The following PLEKHA5 variants were observed in gnomAD, a reference collection of about 807,000 sequenced individuals.
The protein encoded by PLEKHA5 is pleckstrin homology domain containing A5.
In PLEKHA5, 55 loss-of-function variants were observed where a neutral mutation model predicts 181.9. The observed-to-expected ratio is 0.30, with a 90% CI of 0.24 to 0.38. The LOEUF is 0.38. Among genes scored for constraint, PLEKHA5 ranks in the 10% least tolerant of loss-of-function variants. The pLI is 1.00. For missense variants in PLEKHA5, 1,432 were observed against 1,549.5 expected (o/e 0.92, Z 1.27); for synonymous variants, 535 against 529.4 (o/e 1.01, Z -0.15).
intron 31 of PLEKHA5, among the ~76,000 whole-genome samples, chr12:19,374,488 G>A (rs760414768): frequency 5.3e-5 from 8 of 150,198 alleles, no homozygotes; most frequent in Admixed American, 1.3e-4. Flanking sequence ...TTGAAACTCC[G>A]TCTCTACTGA....
chr12:19,241,263 G>C (rs1461941421), intron 3 of PLEKHA5, among the ~76,000 whole-genome samples: 1 of 152,104 alleles, frequency 6.6e-6, no homozygotes, highest in African/African-American at 2.4e-5. Flanking sequence ...CCTTTTAAAG[G>C]GGTAGGGGTT....
intron 15 of PLEKHA5, among the ~76,000 whole-genome samples, chr12:19,304,234 G>C (rs906762133): frequency 1.3e-5 from 2 of 151,994 alleles, no homozygotes; most frequent in Non-Finnish European, 2.9e-5. Context: ...GTGAAACCCG[G>C]TCTCTACTAA....
chr12:19,351,451 G>A (rs1412504021), intron 25 of PLEKHA5, among the ~76,000 whole-genome samples: 2 of 152,088 alleles, frequency 1.3e-5, no homozygotes, highest in Admixed American at 1.3e-4. Flanking sequence ...ATATAAATGA[G>A]GAGGAAGTTT....
At chr12:19,340,046 A>G (rs2093733653) in intron 21 of PLEKHA5, among the ~76,000 whole-genome samples, 1 of 152,070 alleles carries the variant, frequency 6.6e-6, no homozygotes, top group Non-Finnish European at 1.5e-5. Context: ...AGAAAGAGAG[A>G]GAATTGTTGA....
At chr12:19,238,909 G>T (rs2061917687) in intron 3 of PLEKHA5, among the ~76,000 whole-genome samples, 1 of 151,444 alleles carries the variant, frequency 6.6e-6, no homozygotes, top group Non-Finnish European at 1.5e-5. Context: ...CAGAGCACTT[G>T]TCTGTTTTCC....
chr12:19,254,582 AG>A (rs2066321035), intron 4 of PLEKHA5, among the ~76,000 whole-genome samples: 1 of 152,198 alleles, frequency 6.6e-6, no homozygotes, highest in African/African-American at 2.4e-5. Flanking sequence ...GCACTTTGGG[AG>A]GCCAAGGTGG....
At chr12:19,239,137 A>T (rs1299182492) in intron 3 of PLEKHA5, among the ~76,000 whole-genome samples, 2 of 152,206 alleles carry the variant, frequency 1.3e-5, no homozygotes, top group African/African-American at 4.8e-5. Context: ...AATAATTTCA[A>T]CACGAAGAAA....
chr12:19,285,165 GT>G (rs1277728838), intron 12 of PLEKHA5, among the ~76,000 whole-genome samples: 2 of 152,140 alleles, frequency 1.3e-5, no homozygotes, highest in African/African-American at 4.8e-5. Context: ...AAAGTTCAGT[GT>G]TTCCTCACTT....
At chr12:19,228,074 A>G (rs1160782495) in intron 3 of PLEKHA5, among the ~76,000 whole-genome samples, 1 of 152,172 alleles carries the variant, frequency 6.6e-6, no homozygotes, top group African/African-American at 2.4e-5. Flanking sequence ...GCATCACAGT[A>G]AGTGAAACTA....
chr12:19,173,079 A>C (rs370207723), intron 3 of PLEKHA5, among the ~76,000 whole-genome samples: 1 of 116,372 alleles, frequency 8.6e-6, no homozygotes, highest in South Asian at 3.1e-4. Context: ...TGCGGACTGC[A>C]GTGGCGCAAT....
chr12:19,221,966 T>C (rs1047042028), intron 3 of PLEKHA5, among the ~76,000 whole-genome samples: 1 of 152,050 alleles, frequency 6.6e-6, no homozygotes, highest in African/African-American at 2.4e-5. Context: ...AGTTAATTTT[T>C]AAAAATATTG....
intron 3 of PLEKHA5, among the ~76,000 whole-genome samples, chr12:19,233,534 A>G (rs1396652464): frequency 6.6e-6 from 1 of 152,156 alleles, no homozygotes; most frequent in African/African-American, 2.4e-5. Flanking sequence ...GAACACCTCA[A>G]TGCTGGATTT....
rs141262433 is a variant in PLEKHA5 at position 19,289,115 on chromosome 12, G to A, written c.1863+1559G>A. ...AACAAGGACTATCCTAGCATCATGA[G>A]GTCACGAGATAGGATTGGCATCAGA... On this transcript the variant is annotated intron_variant, in intron 13 of 31. Coordinates refer to ENST00000429027, the MANE Select transcript of PLEKHA5 (RefSeq NM_001256470.2). 5.9e-5 allele frequency among the ~76,000 whole-genome samples: 9 copies of A among 152,222 alleles called. No individual in the cohort carries two copies. The East Asian group carries it at 1.7e-3, about 29-fold the overall frequency.
At chr12:19,272,109 C>A (rs2152720574) in intron 10 of PLEKHA5, among the ~76,000 whole-genome samples, 1 of 152,172 alleles carries the variant, frequency 6.6e-6, no homozygotes, top group African/African-American at 2.4e-5. Flanking sequence ...TAAAGTATTT[C>A]ACCTGTTCAC....
chr12:19,134,348 A>G (rs376615726), intron 3 of PLEKHA5, among the ~76,000 whole-genome samples: 1 of 152,202 alleles, frequency 6.6e-6, no homozygotes, highest in South Asian at 2.1e-4. Flanking sequence ...ACATTTTTAA[A>G]CTTGTAGGTT....
At chr12:19,289,081 T>C (rs1253579774) in intron 13 of PLEKHA5, among the ~76,000 whole-genome samples, 1 of 152,200 alleles carries the variant, frequency 6.6e-6, no homozygotes, top group Non-Finnish European at 1.5e-5. Flanking sequence ...TTGGAGATGA[T>C]GATCATAAAA....
rs2033454844 is a variant in PLEKHA5, at chr12:19,130,706, G to A, written c.169+576G>A. On this transcript the variant is annotated intron_variant, in intron 2 of 31. Transcript: ENST00000429027. This position sits in a 1 kb window ranked among gnomAD's most constrained non-coding sequence, Gnocchi z 4.5. Reference sequence around the variant, plus strand: ...TGAAGGAGGAGGAGGAGGAGGAGAGGAGTTCGGGGGTGCTGCGATCCTCTC... The same window carrying A: ...TGAAGGAGGAGGAGGAGGAGGAGAGAAGTTCGGGGGTGCTGCGATCCTCTC... 6.6e-6 allele frequency: 1 copy of A among 152,578 alleles called. No homozygotes were observed. 9.5% of individuals were successfully genotyped at this position (152,578 alleles called of 1,614,324 possible). A position where few individuals can be genotyped will look rare whatever the true frequency, so the allele number is the denominator to read the frequency against.
chr12:19,353,861 C>A, intron 25 of PLEKHA5, 23 bp from the exon 26 acceptor site: 1 of 1,041,816 alleles, frequency 9.6e-7, no homozygotes, highest in Non-Finnish European at 1.5e-6. Flanking sequence ...TTTTGTAAAA[C>A]TTACTGCTGT....
chr12:19,230,126 G>A (rs372185399), intron 3 of PLEKHA5, among the ~76,000 whole-genome samples: 1 of 151,958 alleles, frequency 6.6e-6, no homozygotes, highest in Non-Finnish European at 1.5e-5. Context: ...AATCCTTTAG[G>A]TAGACATAAG....
Sources: allele counts gnomAD v4.1 joint callset (sites outside exome capture counted in the v4.1 genomes callset), GRCh38; gene constraint gnomAD v4.1.1; non-coding constraint Gnocchi (gnomAD v3.1); transcripts MANE v1.5; gene names NCBI Gene and HGNC (gene_info 2026-07-23, HGNC 2026-07-21).